Variants in FARP1 observed in about 807,000 individuals in gnomAD.
The protein encoded by FARP1 is FERM, ARHGEF and pleckstrin domain-containing protein 1.
FARP1 carries 52 observed loss-of-function variants against 128.8 expected under a neutral mutation model. The ratio of observed to expected loss-of-function variants is 0.40; its 90% confidence interval spans 0.32 to 0.51. The LOEUF (loss-of-function observed/expected upper bound fraction) is 0.51, where lower values mean the gene tolerates loss of function less well. Among genes scored for constraint, FARP1 ranks in the 20% least tolerant of loss-of-function variants. The probability of loss-of-function intolerance (pLI) is 0.45; values close to 1 mark genes in which losing one functional copy is unlikely to be tolerated. For synonymous variants in FARP1, 580 were observed against 551.8 expected, an observed-to-expected ratio of 1.05 and a Z score of -0.72; for missense variants, 1,333 against 1,367.9, an observed-to-expected ratio of 0.97 and a Z score of 0.40.
chr13:98,282,425 G>A (rs1884978721), intron 2 of FARP1, among the ~76,000 whole-genome samples: 1 of 152,158 alleles, frequency 6.6e-6, no homozygotes, highest in Non-Finnish European at 1.5e-5. Context: ...GATAGCAGAG[G>A]CTCTGACTCT....
intron 3 of FARP1, 33 bp from the exon 4 acceptor site, chr13:98,365,362 T>G (rs2139964256): frequency 6.4e-7 from 1 of 1,551,330 alleles, no homozygotes; most frequent in Non-Finnish European, 8.9e-7. Context: ...CATTGAGAAC[T>G]TAGGTCTTAA....
At chr13:98,194,945 C>T (rs867142096) in intron 1 of FARP1, among the ~76,000 whole-genome samples, 1 of 152,208 alleles carries the variant, frequency 6.6e-6, no homozygotes. Flanking sequence ...TGTGCTTGGA[C>T]TTCCCAGCCC....
At chr13:98,396,407 T>C (rs1890549511) in intron 13 of FARP1, 1 of 399,100 alleles carries the variant, frequency 2.5e-6, no homozygotes. Context: ...CCGTCCCTGC[T>C]GAGAAGCCGG....
chr13:98,151,392 T>G (rs1594202099), intron 1 of FARP1, among the ~76,000 whole-genome samples: 2 of 152,132 alleles, frequency 1.3e-5, no homozygotes, highest in African/African-American at 4.8e-5. Context: ...TTCTCTGTTT[T>G]GGTAGTAATT....
chr13:98,349,015 C>A (rs1358486548), intron 3 of FARP1, among the ~76,000 whole-genome samples: 1 of 152,236 alleles, frequency 6.6e-6, no homozygotes, highest in African/African-American at 2.4e-5. Flanking sequence ...GTCCTTGGAT[C>A]TCCCGTCGGA....
chr13:98,454,130 T>A lies in FARP1; in HGVS notation c.*5813T>A, dbSNP rs967150643. Reference sequence around the variant, plus strand: ...AGTACTATAGAAATTCTAAAAAATCTTCTTTGCACTATAAGGTAGATAAGA... The same window carrying A: ...AGTACTATAGAAATTCTAAAAAATCATCTTTGCACTATAAGGTAGATAAGA... On this transcript the variant is annotated 3_prime_UTR_variant, in exon 27 of 27. Transcript: ENST00000319562. 1 of 152,224 alleles carries A rather than the reference T, an allele frequency of 6.6e-6. No individual in the cohort carries two copies. Among genetic ancestry groups the A allele is most frequent in the African/African-American group, 2.4e-5 (1 of 41,456 alleles). 9.4% of individuals were successfully genotyped at this position (152,224 alleles called of 1,614,324 possible).
intron 2 of FARP1, chr13:98,332,267 C>T (rs1887542857): frequency 6.6e-6 from 1 of 152,076 alleles, no homozygotes; most frequent in Non-Finnish European, 1.5e-5. Flanking sequence ...GCCCTACAAC[C>T]ACCATTCTCC....
Position 98,454,864 on chromosome 13 carries a change from G to A in FARP1, c.*6547G>A, listed in dbSNP as rs1467820071. On this transcript the variant is annotated 3_prime_UTR_variant, in exon 27 of 27. Coordinates refer to ENST00000319562, the MANE Select transcript of FARP1 (RefSeq NM_005766.4). ...GGCAGCTCATCTGAGGACAGAGGAGGAAAGAGGGCACTCCTCATCACAGAC... is the reference window on the plus strand; with the variant it reads ...GGCAGCTCATCTGAGGACAGAGGAGAAAAGAGGGCACTCCTCATCACAGAC... 1 of 152,256 alleles carries A rather than the reference G, an allele frequency of 6.6e-6. No individual in the cohort carries two copies. The highest frequency in any genetic ancestry group is 1.5e-5 in the Non-Finnish European group (1 of 68,078). 9.4% of individuals were successfully genotyped at this position (152,256 alleles called of 1,614,324 possible).
chr13:98,395,249 C>T lies in FARP1; in HGVS notation c.1187C>T (p.Thr396Ile), dbSNP rs761667009. ...CAGTCTCAGCAGAGCACCAGCCTTA[C>T]ATTTGGAGAAGGTGCCGAATCTCCA... ...LEQSQQSTSL[T>I]FGEGAESPGG... The change falls in exon 13 of 27, where the codon ACA (threonine) becomes ATA (isoleucine). Residue 396 changes from threonine to isoleucine, a missense_variant. Transcript: ENST00000319562. The T allele has an allele frequency of 5.6e-6, 9 of 1,602,766 alleles. No individual in the cohort carries two copies. The highest frequency in any genetic ancestry group is 1.7e-5 in the Admixed American group (1 of 59,732).
At chr13:98,147,517 A>C (rs554902293) in intron 1 of FARP1, among the ~76,000 whole-genome samples, 1 of 152,236 alleles carries the variant, frequency 6.6e-6, no homozygotes, top group South Asian at 2.1e-4. Flanking sequence ...GAGTAACTTC[A>C]CTTTATGTGC....
At chr13:98,373,766 ATTC>A (rs1293627118) in intron 5 of FARP1, among the ~76,000 whole-genome samples, 2 of 152,132 alleles carry the variant, frequency 1.3e-5, no homozygotes, top group African/African-American at 4.8e-5. Flanking sequence ...AAAATGGATT[ATTC>A]TTTTATTTTT....
chr13:98,447,844 CA>C (rs60019968), intron 26 of FARP1: 574 of 183,676 alleles, frequency 3.1e-3, no homozygotes, highest in South Asian at 0.01. Flanking sequence ...GACCCTGTCT[CA>C]AAAAAAAAAG....
intron 2 of FARP1, among the ~76,000 whole-genome samples, chr13:98,221,899 A>C (rs1365589953): frequency 6.6e-6 from 1 of 152,238 alleles, no homozygotes; most frequent in African/African-American, 2.4e-5. Context: ...TGTAAATATA[A>C]AAACATTGCA....
intron 1 of FARP1, among the ~76,000 whole-genome samples, 190 bp downstream of exon 1, chr13:98,143,682 G>C (rs1053815030): frequency 2.6e-5 from 4 of 151,276 alleles, no homozygotes; most frequent in Admixed American, 2.6e-4. Flanking sequence ...GGGCAGCCCC[G>C]GCCACCATCG....
At position 98,236,340 on chromosome 13, in the gene FARP1, T is replaced by C. The variant is rs149178186; in HGVS notation, c.171+22927T>C. 3.0e-3 allele frequency among the ~76,000 whole-genome samples: 451 copies of C among 152,288 alleles called. 2 individuals are homozygous for C. Among genetic ancestry groups the C allele is most frequent in the African/African-American group, 0.01 (432 of 41,556 alleles). ...ACTATGCTTCCAAACACGATTTAATTAAAACCATGTAAGGCCATAAATCTA... is the reference window on the plus strand; with the variant it reads ...ACTATGCTTCCAAACACGATTTAATCAAAACCATGTAAGGCCATAAATCTA... On this transcript the variant is annotated intron_variant, in intron 2 of 26. Coordinates refer to ENST00000319562, the MANE Select transcript of FARP1 (RefSeq NM_005766.4).
intron 1 of FARP1, among the ~76,000 whole-genome samples, chr13:98,189,112 G>T (rs145148900): frequency 5.4e-4 from 82 of 152,302 alleles, no homozygotes; most frequent in Non-Finnish European, 9.7e-4. Context: ...TTGCCTGATG[G>T]GTGCTGGCCT....
chr13:98,270,878 T>G (rs776680074), intron 2 of FARP1, among the ~76,000 whole-genome samples: 9 of 151,862 alleles, frequency 5.9e-5, no homozygotes, highest in Admixed American at 2.6e-4. Context: ...TGTGGTATAC[T>G]GCAGAGAGCA....
chr13:98,179,041 C>G lies in FARP1; in HGVS notation c.-23-34179C>G, dbSNP rs145451325. Among the ~76,000 whole-genome samples the G allele has an allele frequency of 4.4e-3, 668 of 152,246 alleles. 3 individuals carry two copies. The highest frequency in any genetic ancestry group is 0.015 in the African/African-American group (636 of 41,544). On this transcript the variant is annotated intron_variant, in intron 1 of 26. Coordinates refer to ENST00000319562, the MANE Select transcript of FARP1 (RefSeq NM_005766.4). ...TGGAACCCATCTTTTTTCTTGGAGACCCCCAGATGTTGGTGTCCATATTAG... is the reference window on the plus strand; with the variant it reads ...TGGAACCCATCTTTTTTCTTGGAGAGCCCCAGATGTTGGTGTCCATATTAG...
rs573266600 is a variant in FARP1 at position 98,281,074 on chromosome 13, G to T, written c.172-62688G>T. On this transcript the variant is annotated intron_variant, in intron 2 of 26. Transcript: ENST00000319562. Reference sequence around the variant, plus strand: ...ATGGCTAGTTATAAAGTTTATTTCAGGTTGGGCTCAGTGGCTCATGCCTGT... The same window carrying T: ...ATGGCTAGTTATAAAGTTTATTTCATGTTGGGCTCAGTGGCTCATGCCTGT... 2.0e-5 allele frequency among the ~76,000 whole-genome samples: 3 copies of T among 152,322 alleles called. No individual in the cohort carries two copies. In the South Asian group the frequency reaches 6.2e-4, roughly 32 times the overall value.
Sources: allele counts gnomAD v4.1 joint callset (sites outside exome capture counted in the v4.1 genomes callset), GRCh38; gene constraint gnomAD v4.1.1; transcripts MANE v1.5; gene names NCBI Gene and HGNC (gene_info 2026-07-23, HGNC 2026-07-21).